Variants in CNNM3 observed in about 807,000 individuals in gnomAD.
CNNM3 encodes the protein metal transporter CNNM3.
CNNM3 carries 47 observed loss-of-function variants against 57.1 expected under a neutral mutation model. That is an observed-to-expected ratio of 0.82 (90% CI 0.65 to 1.05). The LOEUF (loss-of-function observed/expected upper bound fraction) is 1.05, where lower values mean the gene tolerates loss of function less well. Among genes scored for constraint, CNNM3 ranks in the 50% least tolerant of loss-of-function variants. The pLI is 0.00. For missense variants in CNNM3, 957 were observed against 973.7 expected, an observed-to-expected ratio of 0.98 and a Z score of 0.23; for synonymous variants, 507 against 478.2, an observed-to-expected ratio of 1.06 and a Z score of -0.79.
intron 2 of CNNM3, 116 bp downstream of exon 2, chr2:96,825,317 C>T (rs765065672): frequency 5.4e-5 from 70 of 1,304,106 alleles, no homozygotes; most frequent in Non-Finnish European, 6.8e-5. Context: ...AGATCCACAG[C>T]CAGGCCCCCT....
chr2:96,834,382 T>A lies in CNNM3; in HGVS notation c.*1766T>A, dbSNP rs2079656321. ...ATTATTGAGACAAGATCTTGCTCTG[T>A]CGCCCAGACTGGAGTGCAGTGGTGT... On this transcript the variant is annotated 3_prime_UTR_variant, in exon 8 of 8. Coordinates refer to ENST00000305510, the MANE Select transcript of CNNM3 (RefSeq NM_017623.5). 6.6e-6 allele frequency among the ~76,000 whole-genome samples: 1 copy of A among 151,510 alleles called. No homozygotes were observed. Among genetic ancestry groups the A allele is most frequent in the Non-Finnish European group, 1.5e-5 (1 of 67,932 alleles).
intron 7 of CNNM3, among the ~76,000 whole-genome samples, chr2:96,830,736 C>T (rs72811623): frequency 0.078 from 11,814 of 152,116 alleles, 507 homozygotes; most frequent in Middle Eastern, 0.18. Flanking sequence ...GCCATGGTGC[C>T]CAGGCTGGCT....
At chr2:96,824,914 C>A in intron 1 of CNNM3, 144 bp from the exon 2 acceptor site, 1 of 856,216 alleles carries the variant, frequency 1.2e-6, no homozygotes, top group Non-Finnish European at 1.8e-6. Context: ...TAAGTAAAAA[C>A]CTAGAAAAGA....
In CNNM3 at chr2:96,816,417, G is replaced by A. The variant is rs1182096626; in HGVS notation, c.140G>A (p.Gly47Asp). ...GAGGAGGATGGAGCGGCGGGCGCGG[G>A]TTGGGTACGCGGAGGGGCGGCGCGG... ...CLEEDGAAGA[G>D]WVRGGAARDT... Residue 47 changes from glycine to aspartate, a missense_variant, in exon 1 of 8, where the codon GGT becomes GAT. Coordinates refer to ENST00000305510, the MANE Select transcript of CNNM3 (RefSeq NM_017623.5). 5 of 1,379,648 alleles carry A rather than the reference G, an allele frequency of 3.6e-6. No individual in the cohort carries two copies. The highest frequency in any genetic ancestry group is 4.7e-6 in the Non-Finnish European group (5 of 1,069,786). 85.5% of individuals were successfully genotyped at this position (1,379,648 alleles called of 1,614,324 possible). A position where few individuals can be genotyped will look rare whatever the true frequency, so the allele number is the denominator to read the frequency against.
In CNNM3 at chr2:96,816,423, T is replaced by C; in HGVS notation, c.146T>C (p.Val49Ala). The C allele has an allele frequency of 7.2e-7, 1 of 1,380,624 alleles. No individual in the cohort carries two copies. Among genetic ancestry groups the C allele is most frequent in the Middle Eastern group, 2.6e-4 (1 of 3,792 alleles). The allele number at this position is 1,380,624 out of a possible 1,614,324, so 85.5% of individuals were successfully genotyped here. A position where few individuals can be genotyped will look rare whatever the true frequency, so the allele number is the denominator to read the frequency against. Residue 49 changes from valine (V) to alanine (A), a missense_variant, in exon 1 of 8, where the codon GTA (valine) becomes GCA (alanine). Transcript: ENST00000305510. ...EEDGAAGAGW[V>A]RGGAARDTPD... Reference sequence around the variant, plus strand: ...GATGGAGCGGCGGGCGCGGGTTGGGTACGCGGAGGGGCGGCGCGGGACACG... The same window carrying C: ...GATGGAGCGGCGGGCGCGGGTTGGGCACGCGGAGGGGCGGCGCGGGACACG...
chr2:96,826,569 T>C (rs532167550), intron 2 of CNNM3, among the ~76,000 whole-genome samples: 5 of 152,354 alleles, frequency 3.3e-5, no homozygotes, highest in South Asian at 2.1e-4. Flanking sequence ...ATGCTTGTTA[T>C]TTTATACAAG....
At chr2:96,829,649 T>C (rs2153356142) in intron 7 of CNNM3, among the ~76,000 whole-genome samples, 1 of 152,100 alleles carries the variant, frequency 6.6e-6, no homozygotes, top group South Asian at 2.1e-4. Flanking sequence ...TTGAACTTCT[T>C]GCTGTCTTTA....
chr2:96,816,990 TG>T lies in CNNM3; in HGVS notation c.715del (p.Val239CysfsTer5). ...SAGLVFLVGE[V>X]VPAAVSGRWT... Reference sequence around the variant, plus strand: ...GGGCTCGTGTTCCTGGTGGGAGAGGTGGTGCCGGCCGCCGTGAGCGGGCGCT... The same window carrying T: ...GGGCTCGTGTTCCTGGTGGGAGAGGTGTGCCGGCCGCCGTGAGCGGGCGCT... On this transcript the variant is annotated frameshift_variant, in exon 1 of 8. Coordinates refer to ENST00000305510, the MANE Select transcript of CNNM3 (RefSeq NM_017623.5). LOFTEE classifies it high-confidence loss of function. 2 of 1,363,208 alleles carry T rather than the reference TG, an allele frequency of 1.5e-6. No individual in the cohort carries two copies. Among genetic ancestry groups the T allele is most frequent in the Non-Finnish European group, 1.9e-6 (2 of 1,052,204 alleles). 84.4% of individuals were successfully genotyped at this position (1,363,208 alleles called of 1,614,324 possible).
chr2:96,831,935 C>G, intron 7 of CNNM3: 70 of 944,820 alleles, frequency 7.4e-5, no homozygotes, highest in Middle Eastern at 5.4e-4. Context: ...TGCTCAATAG[C>G]TTCTCCTCTT....
chr2:96,829,685 G>C (rs180795106), intron 7 of CNNM3, among the ~76,000 whole-genome samples: 66 of 151,412 alleles, frequency 4.4e-4, no homozygotes, highest in Non-Finnish European at 2.5e-4. Context: ...CCAAACTATA[G>C]ACTAACTGGT....
intron 1 of CNNM3, among the ~76,000 whole-genome samples, chr2:96,822,099 T>A (rs906106734): frequency 1.3e-5 from 2 of 150,962 alleles, no homozygotes; most frequent in African/African-American, 4.9e-5. Flanking sequence ...GCCTCCCGGG[T>A]TCAAGTGATT....
chr2:96,828,077 C>T (rs375803257), intron 4 of CNNM3, 22 bp from the exon 5 acceptor site: 9 of 1,608,690 alleles, frequency 5.6e-6, no homozygotes, highest in African/African-American at 5.4e-5. Flanking sequence ...GCATCTGTTT[C>T]TCTCCTTGCC....
Position 96,829,032 on chromosome 2 carries a change from AC to A in CNNM3, c.1960del (p.Arg654GlufsTer76). ...GCAGTACCTCAATGCACTCCTGGCTACCCGAGCCCAGAACCTGCCACAGTCC... is the reference window on the plus strand; with the variant it reads ...GCAGTACCTCAATGCACTCCTGGCTACCGAGCCCAGAACCTGCCACAGTCC... ...RLQYLNALLA[T>X]RAQNLPQSPE... On this transcript the variant is annotated frameshift_variant, in exon 7 of 8. Transcript: ENST00000305510. LOFTEE classifies it high-confidence loss of function. 1 of 1,613,918 alleles carries A rather than the reference AC, an allele frequency of 6.2e-7. No homozygotes were observed. Among genetic ancestry groups the A allele is most frequent in the East Asian group, 2.2e-5 (1 of 44,854 alleles).
Position 96,816,462 on chromosome 2 carries a change from T to C in CNNM3, c.185T>C (p.Phe62Ser), listed in dbSNP as rs1440400274. ...GAARDTPDAT[F>S]LLRLFGPGFA... ...GCGCGGGACACGCCGGACGCCACCT[T>C]CCTCCTGCGCCTCTTCGGCCCGGGC... The change falls in exon 1 of 8, where the codon TTC (phenylalanine) becomes TCC (serine). Residue 62 changes from phenylalanine to serine, a missense_variant. Phe to Ser is a radical substitution (Grantham distance 155). Transcript: ENST00000305510. 3 of 1,452,234 alleles carry C rather than the reference T, an allele frequency of 2.1e-6. No homozygotes were observed. The highest frequency in any genetic ancestry group is 2.7e-6 in the Non-Finnish European group (3 of 1,102,684). The allele number at this position is 1,452,234 out of a possible 1,614,324, so 90.0% of individuals were successfully genotyped here. A position where few individuals can be genotyped will look rare whatever the true frequency, so the allele number is the denominator to read the frequency against.
In CNNM3 at chr2:96,817,016, T is replaced by TGGACGCTGGCGCTGGCGCC; in HGVS notation, c.741_759dup (p.Arg254AspfsTer177). On this transcript the variant is annotated frameshift_variant, in exon 1 of 8. Transcript: ENST00000305510. LOFTEE classifies it high-confidence loss of function. The stretch of plus-strand genomic sequence containing the variant: ...GGTGCCGGCCGCCGTGAGCGGGCGC[T>TGGACGCTGGCGCTGGCGCC]GGACGCTGGCGCTGGCGCCGCGAGC... The TGGACGCTGGCGCTGGCGCC allele has an allele frequency of 7.3e-7, 1 of 1,370,004 alleles. No homozygotes were observed. The highest frequency in any genetic ancestry group is 9.5e-7 in the Non-Finnish European group (1 of 1,056,594). The allele number at this position is 1,370,004 out of a possible 1,614,324, so 84.9% of individuals were successfully genotyped here.
intron 3 of CNNM3, among the ~76,000 whole-genome samples, chr2:96,827,331 G>A (rs553149196): frequency 5.3e-5 from 8 of 151,310 alleles, no homozygotes; most frequent in Middle Eastern, 3.4e-3. Flanking sequence ...GCAGTGGCAC[G>A]ATGTTGGCTC....
intron 1 of CNNM3, among the ~76,000 whole-genome samples, chr2:96,819,581 T>C (rs1190881484): frequency 6.6e-6 from 1 of 152,156 alleles, no homozygotes; most frequent in African/African-American, 2.4e-5. Flanking sequence ...TTTCTGTTCT[T>C]CTAGGCAGGT....
chr2:96,828,450 GC>G lies in CNNM3; in HGVS notation c.1787-115del, dbSNP rs972138691. The stretch of plus-strand genomic sequence containing the variant: ...TCTCTCCCAGCTTCCCATGCACATT[GC>G]CTCTCCAGAGTGATTGGTGGGGTGG... On this transcript the variant is annotated intron_variant, in intron 5 of 7. Coordinates refer to ENST00000305510, the MANE Select transcript of CNNM3 (RefSeq NM_017623.5). 6.8e-5 allele frequency: 88 copies of G among 1,298,768 alleles called. No individual in the cohort carries two copies. In the African/African-American group the frequency reaches 1.2e-3, roughly 18 times the overall value. 80.5% of individuals were successfully genotyped at this position (1,298,768 alleles called of 1,614,324 possible).
intron 7 of CNNM3, 26 bp downstream of exon 7, chr2:96,829,160 A>G: frequency 6.2e-7 from 1 of 1,611,816 alleles, no homozygotes. Flanking sequence ...TACATCGTGC[A>G]TGGTGTCTGG....
Sources: allele counts gnomAD v4.1 joint callset (sites outside exome capture counted in the v4.1 genomes callset), GRCh38; gene constraint gnomAD v4.1.1; transcripts MANE v1.5; gene names NCBI Gene and HGNC (gene_info 2026-07-23, HGNC 2026-07-21).